Variants in HPSE2 observed in about 807,000 individuals in gnomAD.
HPSE2 encodes heparanase 2 (inactive).
Under a neutral mutation model 60.5 loss-of-function variants are expected in HPSE2, and 38 were observed. The observed-to-expected ratio is 0.63, with a 90% CI of 0.48 to 0.82. The LOEUF is 0.82. HPSE2 is among the 40% of genes least tolerant of loss of function. The pLI is 0.00. For synonymous variants in HPSE2, 295 were observed against 293.2 expected (o/e 1.01, Z -0.06); for missense variants, 713 against 740.4 (o/e 0.96, Z 0.43).
At chr10:99,119,207 T>C (rs1844848641) in intron 3 of HPSE2, among the ~76,000 whole-genome samples, 1 of 151,964 alleles carries the variant, frequency 6.6e-6, no homozygotes, top group South Asian at 2.1e-4. Flanking sequence ...ACCCATAGTC[T>C]CATCTAAAAG....
intron 3 of HPSE2, among the ~76,000 whole-genome samples, chr10:98,959,407 G>A (rs2135225484): frequency 6.7e-6 from 1 of 149,370 alleles, no homozygotes; most frequent in African/African-American, 2.5e-5. Flanking sequence ...CCCAGTGGCT[G>A]CTGATGTCCT....
chr10:99,027,392 C>A (rs981804053), intron 3 of HPSE2, among the ~76,000 whole-genome samples: 1 of 151,934 alleles, frequency 6.6e-6, no homozygotes, highest in East Asian at 1.9e-4. Context: ...CTAGACACAA[C>A]CTACCAAGAC....
At chr10:98,908,540 G>A (rs946955047) in intron 3 of HPSE2, among the ~76,000 whole-genome samples, 6 of 151,728 alleles carry the variant, frequency 4.0e-5, no homozygotes, top group South Asian at 2.1e-4. Flanking sequence ...AAAATTAGCC[G>A]GGCATGGTGG....
At chr10:99,221,183 A>G (rs944651210) in intron 2 of HPSE2, among the ~76,000 whole-genome samples, 1 of 152,160 alleles carries the variant, frequency 6.6e-6, no homozygotes, top group African/African-American at 2.4e-5. Context: ...TTATTTAATG[A>G]GAGTATTCAT....
intron 11 of HPSE2, among the ~76,000 whole-genome samples, chr10:98,472,947 C>T (rs528792283): frequency 6.6e-6 from 1 of 152,062 alleles, no homozygotes; most frequent in Non-Finnish European, 1.5e-5. Context: ...AATACCCCAA[C>T]AGAAAAATAG....
At chr10:99,094,993 G>T (rs931573347) in intron 3 of HPSE2, among the ~76,000 whole-genome samples, 4 of 152,026 alleles carry the variant, frequency 2.6e-5, no homozygotes, top group African/African-American at 9.7e-5. Context: ...TTCCAAACCA[G>T]CCTGGGCAAC....
At chr10:98,625,933 T>C (rs1445947125) in intron 7 of HPSE2, among the ~76,000 whole-genome samples, 1 of 151,864 alleles carries the variant, frequency 6.6e-6, no homozygotes, top group African/African-American at 2.4e-5. Flanking sequence ...AAACCCCGTT[T>C]CTACTAAAAA....
intron 4 of HPSE2, among the ~76,000 whole-genome samples, chr10:98,733,614 A>C (rs1054730391): frequency 1.3e-5 from 2 of 152,112 alleles, no homozygotes; most frequent in Admixed American, 6.6e-5. Context: ...GTGTTTCTTC[A>C]CTTGTTTAAT....
intron 4 of HPSE2, among the ~76,000 whole-genome samples, chr10:98,737,894 T>C (rs1215675491): frequency 2.0e-5 from 3 of 152,140 alleles, no homozygotes; most frequent in South Asian, 2.1e-4. Context: ...AAAATGACCA[T>C]ACTGCCCAAA....
At chr10:98,918,825 A>G (rs1055765708) in intron 3 of HPSE2, among the ~76,000 whole-genome samples, 7 of 152,012 alleles carry the variant, frequency 4.6e-5, no homozygotes, top group African/African-American at 1.4e-4. Context: ...AACTTAAAGT[A>G]TAATAATAAT....
the HPSE2 span, among the ~76,000 whole-genome samples, chr10:99,291,533 G>A: frequency 3.4e-5 from 5 of 147,124 alleles, no homozygotes; most frequent in Non-Finnish European, 7.4e-5. Context: ...GCAGTGAGCC[G>A]AGATCGCGCC....
intron 3 of HPSE2, among the ~76,000 whole-genome samples, chr10:99,023,543 G>T (rs1957311137): frequency 6.6e-6 from 1 of 152,180 alleles, no homozygotes; most frequent in African/African-American, 2.4e-5. Flanking sequence ...CTTTGGGCAA[G>T]ACTCAGTGCT....
intron 3 of HPSE2, among the ~76,000 whole-genome samples, chr10:98,902,428 A>G (rs1953692317): frequency 6.6e-6 from 1 of 152,156 alleles, no homozygotes; most frequent in African/African-American, 2.4e-5. Flanking sequence ...AGGTAACTTT[A>G]TCACCATGTT....
intron 3 of HPSE2, among the ~76,000 whole-genome samples, chr10:98,751,196 T>C (rs1026701781): frequency 1.3e-5 from 2 of 152,190 alleles, no homozygotes; most frequent in African/African-American, 4.8e-5. Flanking sequence ...ATTAACATTT[T>C]CTTCATGTTT....
chr10:99,293,392 T>C, the HPSE2 span, among the ~76,000 whole-genome samples: 2 of 152,130 alleles, frequency 1.3e-5, no homozygotes, highest in African/African-American at 4.8e-5. Flanking sequence ...TAATGCACAT[T>C]GAAATAAAAC....
At chr10:99,136,066 G>A (rs11528141) in intron 3 of HPSE2, among the ~76,000 whole-genome samples, 74,901 of 151,900 alleles carry the variant, frequency 0.49, 20,940 homozygotes, top group East Asian at 0.65. Context: ...TATCACCACC[G>A]ATCCCACAGA....
chr10:98,980,155 G>A (rs1956174005), intron 3 of HPSE2, among the ~76,000 whole-genome samples: 1 of 152,096 alleles, frequency 6.6e-6, no homozygotes, highest in African/African-American at 2.4e-5. Flanking sequence ...TCCAACCTAA[G>A]TGCCCTTGGA....
intron 3 of HPSE2, among the ~76,000 whole-genome samples, chr10:98,762,134 A>T (rs951980284): frequency 1.3e-5 from 2 of 151,478 alleles, no homozygotes; most frequent in Non-Finnish European, 2.9e-5. Flanking sequence ...GGCACCTAAG[A>T]TCCTGAAAAG....
chr10:98,622,779 A>G (rs972003212), intron 7 of HPSE2, among the ~76,000 whole-genome samples: 9 of 151,884 alleles, frequency 5.9e-5, no homozygotes, highest in African/African-American at 1.9e-4. Flanking sequence ...ACTTTTATAC[A>G]CAAAAAAAGA....
Sources: allele counts gnomAD v4.1 joint callset (sites outside exome capture counted in the v4.1 genomes callset), GRCh38; gene constraint gnomAD v4.1.1; transcripts MANE v1.5; gene names NCBI Gene and HGNC (gene_info 2026-07-23, HGNC 2026-07-21).